Variants in PXT1 observed in about 807,000 individuals in gnomAD.
The protein encoded by PXT1 is peroxisomal testis-specific protein 1.
PXT1 carries 11 observed loss-of-function variants against 11.0 expected under a neutral mutation model. The observed-to-expected ratio is 1.00, with a 90% CI of 0.63 to 1.66. The LOEUF (loss-of-function observed/expected upper bound fraction) is 1.66, where lower values mean the gene tolerates loss of function less well. Ranked by LOEUF, PXT1 falls within the 40% of genes most tolerant of loss-of-function variation. PXT1 has a pLI of 0.00. For synonymous variants in PXT1, 43 were observed against 51.4 expected (o/e 0.84, Z 0.70); for missense variants, 141 against 155.5 (o/e 0.91, Z 0.49).
intron 1 of PXT1, among the ~76,000 whole-genome samples, chr6:36,441,964 G>A (rs1322647): frequency 0.98 from 148,567 of 152,270 alleles, 72,574 homozygotes; most frequent in East Asian, 1. Flanking sequence ...AGGAAAAGGA[G>A]AATCGACTTC....
At chr6:36,410,810 T>A (rs1019877777) in intron 3 of PXT1, among the ~76,000 whole-genome samples, 2 of 152,112 alleles carry the variant, frequency 1.3e-5, no homozygotes, top group Non-Finnish European at 2.9e-5. Context: ...CTCAAAACCC[T>A]CCTATGCACC....
At chr6:36,428,528 A>G (rs1185524918) in intron 2 of PXT1, among the ~76,000 whole-genome samples, 1 of 152,020 alleles carries the variant, frequency 6.6e-6, no homozygotes, top group African/African-American at 2.4e-5. Flanking sequence ...CCATTAGCCC[A>G]TTGTGAAACT....
At chr6:36,430,723 G>A (rs1774679854) in intron 2 of PXT1, among the ~76,000 whole-genome samples, 1 of 152,168 alleles carries the variant, frequency 6.6e-6, no homozygotes, top group African/African-American at 2.4e-5. Context: ...ATTTGTTACA[G>A]CAACAGTAGA....
At chr6:36,425,523 G>A (rs1774589074) in intron 3 of PXT1, among the ~76,000 whole-genome samples, 1 of 151,906 alleles carries the variant, frequency 6.6e-6, no homozygotes, top group African/African-American at 2.4e-5. Context: ...GGTGGCTCAC[G>A]CCTGTAAATC....
chr6:36,438,491 T>G (rs566777508), intron 2 of PXT1, among the ~76,000 whole-genome samples: 118 of 152,318 alleles, frequency 7.7e-4, no homozygotes, highest in Middle Eastern at 6.8e-3. Flanking sequence ...TGGCGTGATC[T>G]TAGCTAACTG....
At chr6:36,440,804 C>A (rs1774847047) in intron 1 of PXT1, among the ~76,000 whole-genome samples, 1 of 152,034 alleles carries the variant, frequency 6.6e-6, no homozygotes, top group African/African-American at 2.4e-5. Context: ...AAAGTTGAAC[C>A]ATTAACTATT....
In PXT1 at chr6:36,439,160, C is replaced by G. The variant is rs138075084; in HGVS notation, c.-129-274G>C. On this transcript the variant is annotated intron_variant, in intron 1 of 4. Coordinates refer to ENST00000454782, the MANE Select transcript of PXT1 (RefSeq NM_152990.4). The stretch of plus-strand genomic sequence containing the variant: ...ATTACAGGCGCACCACCGCGCCCAG[C>G]TAATTTTTTGTATTTTTAGTAGAGA... 8.6e-3 allele frequency among the ~76,000 whole-genome samples: 1,303 copies of G among 151,888 alleles called. 20 individuals are homozygous for G. The highest frequency in any genetic ancestry group is 0.03 in the African/African-American group (1,248 of 41,472).
At chr6:36,432,818 C>T (rs1774711204) in intron 2 of PXT1, among the ~76,000 whole-genome samples, 2 of 151,670 alleles carry the variant, frequency 1.3e-5, no homozygotes, top group South Asian at 4.1e-4. Context: ...GATAGGGGGA[C>T]ACTTGGCATA....
At chr6:36,392,944 A>G (rs1774090473) in intron 4 of PXT1, 1 of 151,120 alleles carries the variant, frequency 6.6e-6, no homozygotes. Flanking sequence ...GGCCCTACCT[A>G]ATCTGCCCAC....
chr6:36,391,760 T>C lies in PXT1; in HGVS notation c.*10A>G. ...AAACAGAACTTGACCACTTGACCTT[T>C]ACTTTCCTTTTACAGCAAATGGTTG... On this transcript the variant is annotated 3_prime_UTR_variant, in exon 5 of 5. Coordinates refer to ENST00000454782, the MANE Select transcript of PXT1 (RefSeq NM_152990.4). 1.3e-6 allele frequency: 2 copies of C among 1,584,842 alleles called. No individual in the cohort carries two copies. Among genetic ancestry groups the C allele is most frequent in the Non-Finnish European group, 1.7e-6 (2 of 1,153,588 alleles).
At chr6:36,429,983 G>A (rs564464615) in intron 2 of PXT1, among the ~76,000 whole-genome samples, 1 of 151,848 alleles carries the variant, frequency 6.6e-6, no homozygotes, top group African/African-American at 2.4e-5. Context: ...TGGATAGGTG[G>A]ATCACTTGAG....
chr6:36,400,162 T>A (rs1289310531), intron 4 of PXT1, among the ~76,000 whole-genome samples: 1 of 152,200 alleles, frequency 6.6e-6, no homozygotes, highest in Non-Finnish European at 1.5e-5. Flanking sequence ...AGATTCTGAT[T>A]CTGACTGTGT....
intron 3 of PXT1, among the ~76,000 whole-genome samples, chr6:36,402,966 GAC>G (rs1774236164): frequency 3.3e-5 from 3 of 91,770 alleles, no homozygotes; most frequent in African/African-American, 8.6e-5. Flanking sequence ...TTTTTTTTTT[GAC>G]ACAGTTTCAC....
At chr6:36,433,098 G>A (rs953870444) in intron 2 of PXT1, among the ~76,000 whole-genome samples, 8 of 152,018 alleles carry the variant, frequency 5.3e-5, no homozygotes, top group Admixed American at 4.6e-4. Flanking sequence ...AAAAATCATC[G>A]GATACTAGAG....
chr6:36,416,246 G>A (rs1394857622), intron 3 of PXT1, among the ~76,000 whole-genome samples: 1 of 152,104 alleles, frequency 6.6e-6, no homozygotes, highest in African/African-American at 2.4e-5. Flanking sequence ...CTACTCAGAA[G>A]GCTGAAGTGG....
chr6:36,406,748 T>G (rs1885207), intron 3 of PXT1, among the ~76,000 whole-genome samples: 71,712 of 149,280 alleles, frequency 0.48, 17,509 homozygotes, highest in Middle Eastern at 0.59. Flanking sequence ...GAGGTAGAGG[T>G]CGCAGTGGGC....
chr6:36,393,149 AT>A (rs1413955969), intron 4 of PXT1: 19 of 151,542 alleles, frequency 1.3e-4, no homozygotes, highest in African/African-American at 4.1e-4. Flanking sequence ...TTTTTTTTGT[AT>A]TTTTAGTAGA....
At chr6:36,404,267 G>A (rs1453608582) in intron 3 of PXT1, among the ~76,000 whole-genome samples, 8 of 152,220 alleles carry the variant, frequency 5.3e-5, no homozygotes, top group Non-Finnish European at 1.2e-4. Flanking sequence ...TCGCATAACT[G>A]TGTTTCAGTC....
intron 2 of PXT1, among the ~76,000 whole-genome samples, chr6:36,437,103 C>T (rs62402167): frequency 0.019 from 2,938 of 152,040 alleles, 37 homozygotes; most frequent in Non-Finnish European, 0.027. Context: ...CTGGCCAACA[C>T]GGTGAAACCC....
Sources: gnomAD v4.1 joint callset for allele counts (sites outside exome capture counted in the v4.1 genomes callset) on GRCh38, gnomAD v4.1.1 for gene constraint, MANE v1.5 for transcripts, NCBI Gene and HGNC (gene_info 2026-07-23, HGNC 2026-07-21) for gene names.